MMS22L: variants seen among roughly 807,000 people sequenced by gnomAD.
MMS22L encodes protein MMS22-like.
MMS22L carries 74 observed loss-of-function variants against 159.1 expected under a neutral mutation model. The observed-to-expected ratio is 0.47, with a 90% CI of 0.39 to 0.56. The LOEUF (loss-of-function observed/expected upper bound fraction) is 0.56. Ranked by LOEUF, MMS22L falls within the 20% of genes least tolerant of loss-of-function variation. The pLI, the probability that MMS22L is intolerant of heterozygous loss-of-function variation, is 0.00. For missense variants in MMS22L, 1,351 were observed against 1,422.1 expected (o/e 0.95, Z 0.80); for synonymous variants, 517 against 506.9 (o/e 1.02, Z -0.27).
At chr6:97,256,196 T>C (rs1022816030) in intron 9 of MMS22L, among the ~76,000 whole-genome samples, 2 of 152,236 alleles carry the variant, frequency 1.3e-5, no homozygotes, top group South Asian at 4.1e-4. Flanking sequence ...AGTCTACTTT[T>C]CTTCTTTCAG....
At chr6:97,211,379 C>T (rs1808355908) in intron 14 of MMS22L, among the ~76,000 whole-genome samples, 1 of 152,004 alleles carries the variant, frequency 6.6e-6, no homozygotes, top group Admixed American at 6.6e-5. Context: ...AAATAGATTA[C>T]TTAATAAGAG....
chr6:97,163,760 G>T (rs1264161240), intron 21 of MMS22L, among the ~76,000 whole-genome samples: 1 of 152,006 alleles, frequency 6.6e-6, no homozygotes, highest in East Asian at 1.9e-4. Context: ...GACATATCAG[G>T]TGTAGGTTTT....
At chr6:97,236,112 G>A (rs1811369817) in intron 11 of MMS22L, among the ~76,000 whole-genome samples, 1 of 152,052 alleles carries the variant, frequency 6.6e-6, no homozygotes, top group African/African-American at 2.4e-5. Context: ...TGGATCACCT[G>A]AGGTCAGGAG....
chr6:97,152,105 G>T (rs1422124104), intron 22 of MMS22L, among the ~76,000 whole-genome samples: 1 of 151,922 alleles, frequency 6.6e-6, no homozygotes, highest in Non-Finnish European at 1.5e-5. Flanking sequence ...AATAATACAT[G>T]AAGACCTATT....
chr6:97,176,614 C>A (rs972129732), intron 18 of MMS22L, among the ~76,000 whole-genome samples: 2 of 152,068 alleles, frequency 1.3e-5, no homozygotes, highest in African/African-American at 4.8e-5. Context: ...AACTGGAATT[C>A]TCTAAGTATG....
chr6:97,207,368 C>T (rs1414938820), intron 14 of MMS22L, among the ~76,000 whole-genome samples: 2 of 152,088 alleles, frequency 1.3e-5, no homozygotes, highest in East Asian at 1.9e-4. Context: ...TGGCCTAATG[C>T]TGTGTGTTAT....
At chr6:97,238,289 T>G (rs1274200705) in intron 11 of MMS22L, among the ~76,000 whole-genome samples, 1 of 152,208 alleles carries the variant, frequency 6.6e-6, no homozygotes, top group Non-Finnish European at 1.5e-5. Context: ...GAAATGTACT[T>G]TAGACCAATG....
In MMS22L at chr6:97,146,136, A is replaced by AC. The variant is rs1448630421; in HGVS notation, c.*669_*670insG. On this transcript the variant is annotated 3_prime_UTR_variant, in exon 25 of 25. Coordinates refer to ENST00000683635, the MANE Select transcript of MMS22L (RefSeq NM_001350599.2). ...ACAACTCCAAAAGAAAGGATGAATA[A>AC]AAAAAAAATTTGGCAACTCTTGGAA... 3 of 150,828 alleles carry AC rather than the reference A, an allele frequency of 2.0e-5. No homozygotes were observed. Among genetic ancestry groups the AC allele is most frequent in the Non-Finnish European group, 3.0e-5 (2 of 67,588 alleles). The allele number at this position is 150,828 out of a possible 1,614,324, so 9.3% of individuals were successfully genotyped here.
intron 20 of MMS22L, among the ~76,000 whole-genome samples, chr6:97,167,442 T>TA (rs1448115917): frequency 6.6e-6 from 1 of 152,144 alleles, no homozygotes; most frequent in Non-Finnish European, 1.5e-5. Context: ...AGGAACTAGT[T>TA]ACCACTGCTT....
At chr6:97,201,957 C>G (rs1045363084) in intron 14 of MMS22L, among the ~76,000 whole-genome samples, 1 of 152,164 alleles carries the variant, frequency 6.6e-6, no homozygotes, top group African/African-American at 2.4e-5. Flanking sequence ...TTCCCTCGAA[C>G]AATACTTTTA....
At position 97,267,855 on chromosome 6, in the gene MMS22L, A is replaced by C. The variant is rs1242086369; in HGVS notation, c.828+17T>G. 4 of 1,572,270 alleles carry C rather than the reference A, an allele frequency of 2.5e-6. No homozygotes were observed. Among genetic ancestry groups the C allele is most frequent in the Non-Finnish European group, 3.4e-6 (4 of 1,164,478 alleles). On this transcript the variant is annotated intron_variant, in intron 8 of 24. Transcript: ENST00000683635. Reference sequence around the variant, plus strand: ...ACTGTCTTTAAGTCTCAAAAATACAAACTCTTAAAGCATTACCTTGTCGTA... The same window carrying C: ...ACTGTCTTTAAGTCTCAAAAATACACACTCTTAAAGCATTACCTTGTCGTA...
At chr6:97,181,613 G>T (rs1804715743) in intron 16 of MMS22L, among the ~76,000 whole-genome samples, 2 of 152,120 alleles carry the variant, frequency 1.3e-5, no homozygotes, top group South Asian at 4.1e-4. Flanking sequence ...TTCTTTCACA[G>T]TGGGATGTGT....
intron 18 of MMS22L, among the ~76,000 whole-genome samples, chr6:97,174,748 A>G (rs1378570866): frequency 6.6e-6 from 1 of 152,192 alleles, no homozygotes; most frequent in Non-Finnish European, 1.5e-5. Flanking sequence ...GAGAAGTGAA[A>G]GACTACTTCT....
chr6:97,248,239 T>G (rs1023819005), intron 10 of MMS22L, among the ~76,000 whole-genome samples: 1 of 152,354 alleles, frequency 6.6e-6, no homozygotes, highest in African/African-American at 2.4e-5. Flanking sequence ...CTGTGCCAAC[T>G]AAAGTAAAGC....
intron 6 of MMS22L, chr6:97,271,111 T>C (rs1258966727): frequency 2.0e-5 from 3 of 152,096 alleles, no homozygotes; most frequent in African/African-American, 7.2e-5. Context: ...AAGTACCAAT[T>C]AAAACAAGAC....
At chr6:97,172,003 T>A (rs1403846278) in intron 19 of MMS22L, among the ~76,000 whole-genome samples, 1 of 152,000 alleles carries the variant, frequency 6.6e-6, no homozygotes, top group Non-Finnish European at 1.5e-5. Flanking sequence ...GAGACAAAAA[T>A]CAACAAGGCA....
At position 97,228,876 on chromosome 6, in the gene MMS22L, T is replaced by C; in HGVS notation, c.2039+18A>G. 3 of 1,579,212 alleles carry C rather than the reference T, an allele frequency of 1.9e-6. No individual in the cohort carries two copies. The highest frequency in any genetic ancestry group is 2.6e-6 in the Non-Finnish European group (3 of 1,165,272). Reference sequence around the variant, plus strand: ...ATATAAAACAAATCATAAATTAGCATACAACTGAAAACCATACCTGATTCT... The same window carrying C: ...ATATAAAACAAATCATAAATTAGCACACAACTGAAAACCATACCTGATTCT... On this transcript the variant is annotated intron_variant, in intron 14 of 24. Coordinates refer to ENST00000683635, the MANE Select transcript of MMS22L (RefSeq NM_001350599.2).
At chr6:97,154,665 T>C (rs1562393125) in intron 22 of MMS22L, among the ~76,000 whole-genome samples, 1 of 152,214 alleles carries the variant, frequency 6.6e-6, no homozygotes, top group South Asian at 2.1e-4. Context: ...TTCTTTCGCA[T>C]GTGGCTATCT....
chr6:97,235,945 AC>A (rs1426829371), intron 11 of MMS22L, among the ~76,000 whole-genome samples: 1 of 152,168 alleles, frequency 6.6e-6, no homozygotes, highest in Non-Finnish European at 1.5e-5. Flanking sequence ...AGGAATTCTT[AC>A]CTGACCAATT....
Sources: gnomAD v4.1 joint callset for allele counts (sites outside exome capture counted in the v4.1 genomes callset) on GRCh38, gnomAD v4.1.1 for gene constraint, MANE v1.5 for transcripts, NCBI Gene and HGNC (gene_info 2026-07-23, HGNC 2026-07-21) for gene names.